The following GALNT18 variants were observed in gnomAD, a reference collection of about 807,000 sequenced individuals.
The protein encoded by GALNT18 is polypeptide N-acetylgalactosaminyltransferase 18.
Under a neutral mutation model 69.5 loss-of-function variants are expected in GALNT18, and 44 were observed. That is an observed-to-expected ratio of 0.63 (90% confidence interval 0.50 to 0.81). The LOEUF (loss-of-function observed/expected upper bound fraction) is 0.81, where lower values mean the gene tolerates loss of function less well. Ranked by LOEUF, GALNT18 falls within the 40% of genes least tolerant of loss-of-function variation. The pLI is 0.00. For synonymous variants in GALNT18, 364 were observed against 318.2 expected (o/e 1.14, Z -1.53); for missense variants, 715 against 810.0 (o/e 0.88, Z 1.42).
chr11:11,524,866 C>A (rs1857483747), intron 1 of GALNT18, among the ~76,000 whole-genome samples: 1 of 152,174 alleles, frequency 6.6e-6, no homozygotes, highest in Non-Finnish European at 1.5e-5. Context: ...CTGTGTCATT[C>A]TTGAATCATA....
chr11:11,546,193 A>G lies in GALNT18; in HGVS notation c.235+75166T>C, dbSNP rs946289069. Among the ~76,000 whole-genome samples the G allele has an allele frequency of 6.6e-6, 1 of 152,174 alleles. No homozygotes were observed. The highest frequency in any genetic ancestry group is 2.4e-5 in the African/African-American group (1 of 41,446). On this transcript the variant is annotated intron_variant, in intron 1 of 10. Coordinates refer to ENST00000227756, the MANE Select transcript of GALNT18 (RefSeq NM_198516.3). The surrounding 1 kb of genome is among the most constrained non-coding windows in gnomAD (Gnocchi z 5.8). ...CAGTTGTTTGAGCTACCCTTGAGCC[A>G]CATCATAGTTGGAAGATAGGGTACA...
At chr11:11,534,911 C>G (rs1857741527) in intron 1 of GALNT18, among the ~76,000 whole-genome samples, 1 of 152,228 alleles carries the variant, frequency 6.6e-6, no homozygotes, top group South Asian at 2.1e-4. Context: ...GCTCATGTCC[C>G]CTGCAGCACG....
At chr11:11,565,752 T>A (rs527961939) in intron 1 of GALNT18, among the ~76,000 whole-genome samples, 1 of 152,188 alleles carries the variant, frequency 6.6e-6, no homozygotes, top group Non-Finnish European at 1.5e-5. Flanking sequence ...AATGCACTTG[T>A]GTGGTCAGTG....
In GALNT18 at chr11:11,318,461, C is replaced by G. The variant is rs1411431607; in HGVS notation, c.1512+8625G>C. 6.6e-6 allele frequency among the ~76,000 whole-genome samples: 1 copy of G among 152,180 alleles called. No homozygotes were observed. The highest frequency in any genetic ancestry group is 2.4e-5 in the African/African-American group (1 of 41,452). On this transcript the variant is annotated intron_variant, in intron 9 of 10. Transcript: ENST00000227756. This position sits in a 1 kb window ranked among gnomAD's most constrained non-coding sequence, Gnocchi z 5.1. ...GTTAAGCTGCTACAAGCCAAGGGAC[C>G]AGCAGAAGTTAGGAGAGTGCCTGGA...
At chr11:11,351,924 T>C in intron 6 of GALNT18, 1 of 1,543,134 alleles carries the variant, frequency 6.5e-7, no homozygotes, top group South Asian at 1.2e-5. Flanking sequence ...TGCTCAGGCA[T>C]CAGGAGACAG....
At chr11:11,533,247 C>G (rs1472887035) in intron 1 of GALNT18, among the ~76,000 whole-genome samples, 1 of 152,180 alleles carries the variant, frequency 6.6e-6, no homozygotes. Context: ...TTGTTTCATC[C>G]TCAGGGCGCC....
intron 3 of GALNT18, among the ~76,000 whole-genome samples, chr11:11,385,676 G>T (rs1204960329): frequency 2.0e-5 from 3 of 152,168 alleles, no homozygotes; most frequent in African/African-American, 7.2e-5. Context: ...AGCAGGAAAT[G>T]CTGTGGAGTT....
intron 7 of GALNT18, among the ~76,000 whole-genome samples, chr11:11,333,057 G>A (rs1043942908): frequency 3.3e-5 from 5 of 149,838 alleles, no homozygotes; most frequent in Non-Finnish European, 5.9e-5. Context: ...TGTCATCAAG[G>A]GCCATTGAAA....
Position 11,469,410 on chromosome 11 carries a change from A to G in GALNT18, c.236-20474T>C, listed in dbSNP as rs1168681021. ...TTGTTGTTATGGCTATGTCTTTTAC[A>G]GGGTCCAGTACAGATCTCCATGGCA... On this transcript the variant is annotated intron_variant, in intron 1 of 10. Coordinates refer to ENST00000227756, the MANE Select transcript of GALNT18 (RefSeq NM_198516.3). The surrounding 1 kb of genome is among the most constrained non-coding windows in gnomAD (Gnocchi z 4.2). 2.6e-5 allele frequency among the ~76,000 whole-genome samples: 4 copies of G among 152,204 alleles called. No individual in the cohort carries two copies. Among genetic ancestry groups the G allele is most frequent in the African/African-American group, 7.2e-5 (3 of 41,454 alleles).
At position 11,309,980 on chromosome 11, in the gene GALNT18, C is replaced by T. The variant is rs906907746; in HGVS notation, c.1513-16787G>A. ...TCCCTTCAGTCTCAAAACATGTTCC[C>T]TTATTGCTTTCTTTAAAAAGCAAAT... On this transcript the variant is annotated intron_variant, in intron 9 of 10. Transcript: ENST00000227756. The surrounding 1 kb of genome is among the most constrained non-coding windows in gnomAD (Gnocchi z 4.6). 2.0e-5 allele frequency among the ~76,000 whole-genome samples: 3 copies of T among 151,710 alleles called. No homozygotes were observed. Among genetic ancestry groups the T allele is most frequent in the Non-Finnish European group, 2.9e-5 (2 of 67,890 alleles).
In GALNT18 at chr11:11,517,107, C is replaced by T. The variant is rs963671183; in HGVS notation, c.236-68171G>A. ...GGCTGTCTATGAACCAGGAAGAGGA[C>T]CCTCACCAGACACTGAACCTGCTGG... On this transcript the variant is annotated intron_variant, in intron 1 of 10. Transcript: ENST00000227756. Among the ~76,000 whole-genome samples the T allele has an allele frequency of 2.0e-5, 3 of 152,196 alleles. No individual in the cohort carries two copies. The South Asian group carries it at 6.2e-4, about 32-fold the overall frequency.
At position 11,402,653 on chromosome 11, in the gene GALNT18, T is replaced by C. The variant is rs1428860802; in HGVS notation, c.596-23389A>G. ...TATCTCAAGGCATAAGTCCTCTTTTTCATGGATAGAGCCAGTGTCCCAAAA... is the reference window on the plus strand; with the variant it reads ...TATCTCAAGGCATAAGTCCTCTTTTCCATGGATAGAGCCAGTGTCCCAAAA... On this transcript the variant is annotated intron_variant, in intron 3 of 10. Transcript: ENST00000227756. This position sits in a 1 kb window ranked among gnomAD's most constrained non-coding sequence, Gnocchi z 4.0. Among the ~76,000 whole-genome samples the C allele has an allele frequency of 6.6e-6, 1 of 152,226 alleles. No individual in the cohort carries two copies. Among genetic ancestry groups the C allele is most frequent in the Admixed American group, 6.5e-5 (1 of 15,286 alleles).
In GALNT18 at chr11:11,566,251, A is replaced by G. The variant is rs549145702; in HGVS notation, c.235+55108T>C. On this transcript the variant is annotated intron_variant, in intron 1 of 10. Transcript: ENST00000227756. ...GGAATATACAGCCTTTCTCCCAAATATTCAACTCTGCAGCTGTAGTGCAGA... is the reference window on the plus strand; with the variant it reads ...GGAATATACAGCCTTTCTCCCAAATGTTCAACTCTGCAGCTGTAGTGCAGA... Among the ~76,000 whole-genome samples the G allele has an allele frequency of 2.2e-3, 341 of 152,356 alleles. 1 individual carries two copies. Among genetic ancestry groups the G allele is most frequent in the Non-Finnish European group, 3.9e-3 (267 of 68,040 alleles).
chr11:11,325,470 C>G (rs1439851569), intron 9 of GALNT18, among the ~76,000 whole-genome samples: 5 of 151,842 alleles, frequency 3.3e-5, no homozygotes, highest in Non-Finnish European at 7.4e-5. Context: ...AAGAACTTAT[C>G]CAAGTATCCA....
chr11:11,580,240 G>A (rs1859043119), intron 1 of GALNT18, among the ~76,000 whole-genome samples: 1 of 152,204 alleles, frequency 6.6e-6, no homozygotes, highest in Non-Finnish European at 1.5e-5. Flanking sequence ...ACCCCTTGGT[G>A]AAATACCTCG....
At chr11:11,316,593 T>A (rs1382798201) in intron 9 of GALNT18, among the ~76,000 whole-genome samples, 1 of 152,240 alleles carries the variant, frequency 6.6e-6, no homozygotes, top group African/African-American at 2.4e-5. Context: ...GCAGCTTTAG[T>A]ATTTCAAAAA....
rs529797313 is a variant in GALNT18 at position 11,435,951 on chromosome 11, C to T, written c.429-3164G>A. Reference sequence around the variant, plus strand: ...CCTCCTTAAATCCTTCTTTTCTCTTCTCTCCTGGGACTGCTGGGGCCTCCT... The same window carrying T: ...CCTCCTTAAATCCTTCTTTTCTCTTTTCTCCTGGGACTGCTGGGGCCTCCT... On this transcript the variant is annotated intron_variant, in intron 2 of 10. Transcript: ENST00000227756. This position sits in a 1 kb window ranked among gnomAD's most constrained non-coding sequence, Gnocchi z 4.4. Among the ~76,000 whole-genome samples the T allele has an allele frequency of 2.6e-5, 4 of 152,352 alleles. No homozygotes were observed. Among genetic ancestry groups the T allele is most frequent in the East Asian group, 3.9e-4 (2 of 5,180 alleles).
intron 1 of GALNT18, among the ~76,000 whole-genome samples, chr11:11,478,208 G>A (rs1048330996): frequency 6.6e-6 from 1 of 152,200 alleles, no homozygotes; most frequent in African/African-American, 2.4e-5. Flanking sequence ...GCAACACTGG[G>A]AGCTGGAAGG....
rs1850348588 is a variant in GALNT18 at position 11,348,798 on chromosome 11, TG to T, written c.1093-7795del. On this transcript the variant is annotated intron_variant, in intron 6 of 10. Transcript: ENST00000227756. ...CTTGCTAATTCCCACCTACCTTCCCTGGCTGCCCTAGTTTTGGCTCATGCCT... is the reference window on the plus strand; with the variant it reads ...CTTGCTAATTCCCACCTACCTTCCCTGCTGCCCTAGTTTTGGCTCATGCCT... 4.6e-5 allele frequency among the ~76,000 whole-genome samples: 7 copies of T among 152,332 alleles called. No individual in the cohort carries two copies. The South Asian group carries it at 1.4e-3, about 32-fold the overall frequency.
Sources: gnomAD v4.1 joint callset for allele counts (sites outside exome capture counted in the v4.1 genomes callset) on GRCh38, gnomAD v4.1.1 for gene constraint, Gnocchi (gnomAD v3.1) non-coding constraint, MANE v1.5 for transcripts, NCBI Gene and HGNC (gene_info 2026-07-23, HGNC 2026-07-21) for gene names.